Variants in CALD1 observed in about 807,000 individuals in gnomAD.
CALD1 encodes the protein caldesmon.
Under a neutral mutation model 99.9 loss-of-function variants are expected in CALD1, and 33 were observed. The ratio of observed to expected loss-of-function variants is 0.33; its 90% CI spans 0.25 to 0.44. The LOEUF (loss-of-function observed/expected upper bound fraction) is 0.44, where lower values mean the gene tolerates loss of function less well. Ranked by LOEUF, CALD1 falls within the 20% of genes least tolerant of loss-of-function variation. CALD1 has a pLI of 1.00. For synonymous variants in CALD1, 310 were observed against 325.0 expected, an observed-to-expected ratio of 0.95 and a Z score of 0.50; for missense variants, 861 against 962.1, an observed-to-expected ratio of 0.89 and a Z score of 1.39.
chr7:134,750,610 GA>G lies in CALD1; in HGVS notation c.-130+6256del, dbSNP rs893164811. Among the ~76,000 whole-genome samples, 12 of 150,978 alleles carry G rather than the reference GA, an allele frequency of 7.9e-5. No homozygotes were observed. The South Asian group carries it at 1.3e-3, about 16-fold the overall frequency. ...TCCTTTCCATTCCTAGCTATTAACAGAAAAAAAAATCTACTTTCACTTTCTT... is the reference window on the plus strand; with the variant it reads ...TCCTTTCCATTCCTAGCTATTAACAGAAAAAAAATCTACTTTCACTTTCTT... On this transcript the variant is annotated intron_variant, in intron 1 of 13. Transcript: ENST00000417172.
intron 5 of CALD1, among the ~76,000 whole-genome samples, chr7:134,935,214 T>A (rs932853032): frequency 6.6e-6 from 1 of 152,128 alleles, no homozygotes; most frequent in Admixed American, 6.5e-5. Flanking sequence ...TCTGCAAGAC[T>A]GCATTGAAAG....
intron 2 of CALD1, among the ~76,000 whole-genome samples, chr7:134,865,493 T>A (rs1490700137): frequency 6.6e-6 from 1 of 152,186 alleles, no homozygotes. Context: ...GCTCTCTCTC[T>A]CCCTCTGGGT....
intron 1 of CALD1, among the ~76,000 whole-genome samples, chr7:134,791,586 G>A (rs1209635158): frequency 6.6e-6 from 1 of 152,134 alleles, no homozygotes; most frequent in Non-Finnish European, 1.5e-5. Flanking sequence ...AAGACAGCCA[G>A]TTCCATCTTG....
intron 1 of CALD1, among the ~76,000 whole-genome samples, chr7:134,769,588 ACT>A (rs201373535): frequency 2.0e-5 from 3 of 148,046 alleles, no homozygotes; most frequent in African/African-American, 5.0e-5. Context: ...TTATACACAC[ACT>A]CTCTCTCTCT....
intron 3 of CALD1, among the ~76,000 whole-genome samples, chr7:134,926,881 T>C (rs1805064294): frequency 6.6e-6 from 1 of 152,232 alleles, no homozygotes; most frequent in Non-Finnish European, 1.5e-5. Context: ...AAGTGTATTG[T>C]ACACTTTAAA....
the CALD1 span, among the ~76,000 whole-genome samples, chr7:134,715,332 C>A: frequency 2.0e-5 from 3 of 152,160 alleles, no homozygotes; most frequent in African/African-American, 7.2e-5. Flanking sequence ...GAATGTCTTA[C>A]AGTTGTGTCT....
intron 1 of CALD1, among the ~76,000 whole-genome samples, chr7:134,748,393 G>A (rs988090379): frequency 1.3e-5 from 2 of 152,206 alleles, no homozygotes. Context: ...CTCATGGGAT[G>A]AAATGAATAT....
intron 2 of CALD1, among the ~76,000 whole-genome samples, chr7:134,853,876 C>T (rs868592576): frequency 7.1e-6 from 1 of 140,622 alleles, no homozygotes; most frequent in African/African-American, 2.7e-5. Flanking sequence ...ACCCCCACCC[C>T]GACAGGTCCC....
chr7:134,801,515 CT>C (rs1797941106), intron 1 of CALD1, among the ~76,000 whole-genome samples: 1 of 152,154 alleles, frequency 6.6e-6, no homozygotes, highest in South Asian at 2.1e-4. Flanking sequence ...TAAAAATACA[CT>C]TTTTGCTTTT....
chr7:134,732,327 T>G, the CALD1 span, among the ~76,000 whole-genome samples: 1 of 152,220 alleles, frequency 6.6e-6, no homozygotes, highest in Non-Finnish European at 1.5e-5. Flanking sequence ...GGACCTGCTA[T>G]GGTCTGAATG....
chr7:134,943,797 G>A (rs1034030675), intron 7 of CALD1, among the ~76,000 whole-genome samples: 1 of 152,160 alleles, frequency 6.6e-6, no homozygotes, highest in Non-Finnish European at 1.5e-5. Flanking sequence ...TAGTATATAC[G>A]TGTGTGAGTA....
At chr7:134,941,577 T>C (rs1806443715) in intron 7 of CALD1, among the ~76,000 whole-genome samples, 1 of 151,954 alleles carries the variant, frequency 6.6e-6, no homozygotes, top group African/African-American at 2.4e-5. Flanking sequence ...TGTCATTCAA[T>C]GATTCTCTAT....
At chr7:134,887,278 C>T (rs530617822) in intron 3 of CALD1, among the ~76,000 whole-genome samples, 2 of 152,114 alleles carry the variant, frequency 1.3e-5, no homozygotes, top group East Asian at 1.9e-4. Flanking sequence ...TGGGAGATGC[C>T]GTCGTCTATG....
At chr7:134,890,558 G>A (rs533101003) in intron 3 of CALD1, among the ~76,000 whole-genome samples, 1 of 152,194 alleles carries the variant, frequency 6.6e-6, no homozygotes, top group Non-Finnish European at 1.5e-5. Flanking sequence ...AGTCCCACGA[G>A]CAGCTTGGTA....
chr7:134,762,752 G>T (rs896549208), intron 1 of CALD1, among the ~76,000 whole-genome samples: 1 of 152,030 alleles, frequency 6.6e-6, no homozygotes, highest in Non-Finnish European at 1.5e-5. Flanking sequence ...ACAGCACCAA[G>T]GGGGACATCC....
intron 1 of CALD1, among the ~76,000 whole-genome samples, chr7:134,780,455 A>C (rs749834138): frequency 6.6e-5 from 10 of 152,220 alleles, no homozygotes; most frequent in Non-Finnish European, 1.2e-4. Flanking sequence ...AAGCACATTT[A>C]ACGTCCTACC....
In CALD1 at chr7:134,866,326, T is replaced by C. The variant is rs527553171; in HGVS notation, c.-41-1367T>C. Reference sequence around the variant, plus strand: ...ACTAGCAAAGCCTAGGGAAGTACTCTTGGTAAGAGTAAGATAGATAAACAT... The same window carrying C: ...ACTAGCAAAGCCTAGGGAAGTACTCCTGGTAAGAGTAAGATAGATAAACAT... On this transcript the variant is annotated intron_variant, in intron 2 of 14. Coordinates refer to ENST00000361675, the MANE Select transcript of CALD1 (RefSeq NM_033138.4). Among the ~76,000 whole-genome samples the C allele has an allele frequency of 2.0e-5, 3 of 152,314 alleles. No individual in the cohort carries two copies. In the East Asian group the frequency reaches 5.8e-4, roughly 29 times the overall value.
At chr7:134,874,678 T>C (rs908660256) in intron 3 of CALD1, among the ~76,000 whole-genome samples, 9 of 152,230 alleles carry the variant, frequency 5.9e-5, no homozygotes, top group African/African-American at 9.6e-5. Context: ...TAGAGTTACG[T>C]TATCAGATTC....
At chr7:134,764,788 C>G (rs768427683) in intron 1 of CALD1, among the ~76,000 whole-genome samples, 5 of 151,918 alleles carry the variant, frequency 3.3e-5, no homozygotes, top group Non-Finnish European at 5.9e-5. Context: ...AAATGTGAAG[C>G]GGGAGAAGCA....
Sources: gnomAD v4.1 joint callset for allele counts (sites outside exome capture counted in the v4.1 genomes callset) on GRCh38, gnomAD v4.1.1 for gene constraint, MANE v1.5 for transcripts, NCBI Gene and HGNC (gene_info 2026-07-23, HGNC 2026-07-21) for gene names.